Variants in TNKS1BP1 observed in about 807,000 individuals in gnomAD.
The protein encoded by TNKS1BP1 is 182 kDa tankyrase-1-binding protein.
A neutral mutation model predicts 141.1 loss-of-function variants in TNKS1BP1; 48 were observed. The ratio of observed to expected loss-of-function variants is 0.34; its 90% CI spans 0.27 to 0.43. TNKS1BP1 has a LOEUF of 0.43. Ranked by LOEUF, TNKS1BP1 falls within the 20% of genes least tolerant of loss-of-function variation. The pLI is 1.00. For synonymous variants in TNKS1BP1, 875 were observed against 898.2 expected (o/e 0.97, Z 0.46); for missense variants, 2,149 against 2,226.0 (o/e 0.97, Z 0.70).
In TNKS1BP1 at chr11:57,310,322, C is replaced by A. The variant is rs546753698; in HGVS notation, c.2389G>T (p.Gly797Cys). Residue 797 changes from glycine to cysteine, a missense_variant, in exon 6 of 12, where the codon GGC (glycine) becomes TGC (cysteine). Coordinates refer to ENST00000358252, the MANE Select transcript of TNKS1BP1 (RefSeq NM_033396.3). ...CTGCTGGCCTCCATCTCCTCCTGGC[C>A]GATGCCACACCTGCTGGCCCACTCC... ...TREWASRCGI[G>C]QEEMEASSSQ... The A allele has an allele frequency of 5.0e-6, 8 of 1,613,994 alleles. No individual in the cohort carries two copies. The South Asian group carries it at 8.8e-5, about 18-fold the overall frequency.
intron 6 of TNKS1BP1, among the ~76,000 whole-genome samples, chr11:57,305,012 G>A (rs1855587259): frequency 6.6e-6 from 1 of 152,102 alleles, no homozygotes; most frequent in South Asian, 2.1e-4. Context: ...GTGCAGCTAC[G>A]TCCACCCCGC....
intron 4 of TNKS1BP1, among the ~76,000 whole-genome samples, chr11:57,315,081 A>G (rs953364580): frequency 2.0e-5 from 3 of 152,088 alleles, no homozygotes; most frequent in Non-Finnish European, 2.9e-5. Flanking sequence ...TCATCTCCAT[A>G]GCCAGATGCG....
At chr11:57,319,570 GC>G (rs1422499094) in intron 3 of TNKS1BP1, among the ~76,000 whole-genome samples, 1 of 151,964 alleles carries the variant, frequency 6.6e-6, no homozygotes, top group Non-Finnish European at 1.5e-5. Flanking sequence ...TTCAAGACCA[GC>G]CTGGCCAACA....
intron 2 of TNKS1BP1, 48 bp downstream of exon 2, chr11:57,321,744 T>TGGGGG: frequency 2.1e-5 from 22 of 1,039,746 alleles, no homozygotes; most frequent in Non-Finnish European, 2.5e-5. Flanking sequence ...CCTCTGTCCT[T>TGGGGG]CCCACCCCCC....
chr11:57,306,139 G>A (rs183534916), intron 6 of TNKS1BP1, among the ~76,000 whole-genome samples: 17 of 152,236 alleles, frequency 1.1e-4, no homozygotes, highest in African/African-American at 3.9e-4. Flanking sequence ...TTAGCCGGGC[G>A]TGGTGATGTG....
rs776393935 is a variant in TNKS1BP1 at position 57,301,758 on chromosome 11, GCCA to G, written c.4971+46_4971+48del. On this transcript the variant is annotated intron_variant, in intron 9 of 11. Coordinates refer to ENST00000358252, the MANE Select transcript of TNKS1BP1 (RefSeq NM_033396.3). ...GAGAAGAAAGACAGCATGCAAGGTG[GCCA>G]CCTGGCCAGATGGCTGGACATGTTT... 3.8e-6 allele frequency: 6 copies of G among 1,583,898 alleles called. No individual in the cohort carries two copies. The South Asian group carries it at 5.7e-5, about 15-fold the overall frequency.
chr11:57,317,509 T>C (rs929642650), intron 4 of TNKS1BP1, among the ~76,000 whole-genome samples: 20 of 152,236 alleles, frequency 1.3e-4, no homozygotes, highest in African/African-American at 4.8e-4. Flanking sequence ...ATCACAAGGA[T>C]TGAGTTGGTT....
chr11:57,323,679 G>A (rs1362248524), intron 1 of TNKS1BP1, among the ~76,000 whole-genome samples: 2 of 152,214 alleles, frequency 1.3e-5, no homozygotes, highest in Non-Finnish European at 2.9e-5. Context: ...ACGGAAGACT[G>A]CCCACTGTGG....
intron 9 of TNKS1BP1, 47 bp from the exon 10 acceptor site, chr11:57,301,088 T>A: frequency 3.2e-6 from 5 of 1,538,526 alleles, no homozygotes; most frequent in Non-Finnish European, 4.4e-6. Context: ...GGACAGGCAG[T>A]AGGACTCTCA....
At chr11:57,312,259 T>C (rs1855724401) in intron 5 of TNKS1BP1, among the ~76,000 whole-genome samples, 1 of 152,136 alleles carries the variant, frequency 6.6e-6, no homozygotes, top group Non-Finnish European at 1.5e-5. Flanking sequence ...AATGCTACTA[T>C]CAGGAAAGCA....
chr11:57,318,064 C>T (rs1855824689), intron 3 of TNKS1BP1, among the ~76,000 whole-genome samples, 177 bp from the exon 4 acceptor site: 1 of 152,228 alleles, frequency 6.6e-6, no homozygotes, highest in African/African-American at 2.4e-5. Context: ...GTCCATTTTC[C>T]ATTCGGCAAG....
chr11:57,320,011 G>GCCCCCCCCCCAAACCCCCCC, intron 3 of TNKS1BP1, 68 bp downstream of exon 3: 19 of 1,296,678 alleles, frequency 1.5e-5, no homozygotes, highest in East Asian at 2.5e-5. Context: ...TTGGTCCCCA[G>GCCCCCCCCCCAAACCCCCCC]CCCCCACCCA....
rs149611162 is a variant in TNKS1BP1, at chr11:57,313,216, C to T, written c.1472G>A (p.Arg491Gln). 771 of 1,612,710 alleles carry T rather than the reference C, an allele frequency of 4.8e-4. No individual in the cohort carries two copies. Among genetic ancestry groups the T allele is most frequent in the Non-Finnish European group, 5.2e-4 (619 of 1,179,982 alleles). Residue 491 changes from arginine to glutamine, a missense_variant, in exon 5 of 12, where the codon CGG (arginine) becomes CAG (glutamine). Transcript: ENST00000358252. ...GGGGGAGGGAGGCGGGGAGTCCAGC[C>T]GCCACACGCCCAGACCCGAGGGCCT... ...PTRPSGLGVW[R>Q]LDSPPPSPIT...
Position 57,310,388 on chromosome 11 carries a change from T to C in TNKS1BP1, c.2323A>G (p.Thr775Ala), listed in dbSNP as rs1395471652. Residue 775 changes from threonine to alanine, a missense_variant, in exon 6 of 12, where the codon ACC becomes GCC. Coordinates refer to ENST00000358252, the MANE Select transcript of TNKS1BP1 (RefSeq NM_033396.3). ...CCTGCTCCTTGCCCATACTTGCTGG[T>C]CCAGTCCCTCTCTCCGAGACCTGGG... ...GDPGLGERDW[T>A]SKYGQGAGEG... 2 of 1,613,952 alleles carry C rather than the reference T, an allele frequency of 1.2e-6. No homozygotes were observed. The highest frequency in any genetic ancestry group is 1.7e-6 in the Non-Finnish European group (2 of 1,180,040).
At chr11:57,316,680 C>T (rs1400418380) in intron 4 of TNKS1BP1, among the ~76,000 whole-genome samples, 1 of 152,192 alleles carries the variant, frequency 6.6e-6, no homozygotes, top group East Asian at 1.9e-4. Context: ...CCACTTCTCC[C>T]CATCTCCACC....
intron 3 of TNKS1BP1, 68 bp downstream of exon 3, chr11:57,320,011 G>GCCCCCCCCCCAAACCCCCC: frequency 6.2e-6 from 8 of 1,296,682 alleles, no homozygotes; most frequent in East Asian, 2.5e-5. Flanking sequence ...TTGGTCCCCA[G>GCCCCCCCCCCAAACCCCCC]CCCCCACCCA....
chr11:57,302,397 G>T lies in TNKS1BP1; in HGVS notation c.4683+62C>A. On this transcript the variant is annotated intron_variant, in intron 7 of 11. Coordinates refer to ENST00000358252, the MANE Select transcript of TNKS1BP1 (RefSeq NM_033396.3). The surrounding 1 kb of genome is among the most constrained non-coding windows in gnomAD (Gnocchi z 5.5). Reference sequence around the variant, plus strand: ...CTGGGACTGCTCAGGGAAGCTCCAGGAATGGGGCTCTCGCTGCATCGCCCT... The same window carrying T: ...CTGGGACTGCTCAGGGAAGCTCCAGTAATGGGGCTCTCGCTGCATCGCCCT... 1 of 1,546,572 alleles carries T rather than the reference G, an allele frequency of 6.5e-7. No individual in the cohort carries two copies. The highest frequency in any genetic ancestry group is 8.8e-7 in the Non-Finnish European group (1 of 1,142,340).
Position 57,310,327 on chromosome 11 carries a change from C to T in TNKS1BP1, c.2384G>A (p.Gly795Asp). The T allele has an allele frequency of 6.2e-7, 1 of 1,614,026 alleles. No homozygotes were observed. The highest frequency in any genetic ancestry group is 8.5e-7 in the Non-Finnish European group (1 of 1,180,034). The change falls in exon 6 of 12, where the codon GGC becomes GAC. Residue 795 changes from glycine to aspartate, a missense_variant. By Grantham distance (94) the Gly-to-Asp change is moderately conservative. Coordinates refer to ENST00000358252, the MANE Select transcript of TNKS1BP1 (RefSeq NM_033396.3). ...GGCCTCCATCTCCTCCTGGCCGATG[C>T]CACACCTGCTGGCCCACTCCCTGGT... ...GSTREWASRC[G>D]IGQEEMEASS...
Position 57,317,838 on chromosome 11 carries a change from T to A in TNKS1BP1, c.778A>T (p.Ser260Cys). The change falls in exon 4 of 12, where the codon AGC becomes TGC. Residue 260 changes from serine (S) to cysteine (C), a missense_variant. By Grantham distance (112) the Ser-to-Cys change is moderately radical (BLOSUM62 -1). Coordinates refer to ENST00000358252, the MANE Select transcript of TNKS1BP1 (RefSeq NM_033396.3). ...AFNGDLAKAA[S>C]SELPADISKP... Reference sequence around the variant, plus strand: ...CTCACATCAGCAGGTAGCTCCGAGCTGGCTGCCTTAGCCAGGTCCCCGTTG... The same window carrying A: ...CTCACATCAGCAGGTAGCTCCGAGCAGGCTGCCTTAGCCAGGTCCCCGTTG... 1 of 1,613,984 alleles carries A rather than the reference T, an allele frequency of 6.2e-7. No homozygotes were observed. Among genetic ancestry groups the A allele is most frequent in the Non-Finnish European group, 8.5e-7 (1 of 1,179,858 alleles).
Sources: gnomAD v4.1 joint callset for allele counts (sites outside exome capture counted in the v4.1 genomes callset) on GRCh38, gnomAD v4.1.1 for gene constraint, Gnocchi (gnomAD v3.1) non-coding constraint, MANE v1.5 for transcripts, NCBI Gene and HGNC (gene_info 2026-07-23, HGNC 2026-07-21) for gene names.